GABRG3: variants seen among roughly 807,000 people sequenced by gnomAD.
The protein encoded by GABRG3 is gamma-aminobutyric acid type A receptor subunit gamma3, also known as gamma-aminobutyric acid receptor subunit gamma-3.
A neutral mutation model predicts 48.8 loss-of-function variants in GABRG3; 25 were observed. The observed-to-expected ratio is 0.51, with a 90% CI of 0.37 to 0.72. The LOEUF is 0.72. Ranked by LOEUF, GABRG3 falls within the 30% of genes least tolerant of loss-of-function variation. GABRG3 has a pLI of 0.00. For missense variants in GABRG3, 394 were observed against 577.9 expected (o/e 0.68, Z 3.26); for synonymous variants, 227 against 217.6 (o/e 1.04, Z -0.38).
chr15:27,032,548 C>G (rs763586034), intron 3 of GABRG3, among the ~76,000 whole-genome samples: 10 of 152,150 alleles, frequency 6.6e-5, no homozygotes, highest in Non-Finnish European at 1.5e-4. Context: ...GGGGAGCCAG[C>G]TTGTCAATGG....
chr15:27,532,921 A>G lies in GABRG3; in HGVS notation c.*40A>G, dbSNP rs371955847. 45 of 1,590,366 alleles carry G rather than the reference A, an allele frequency of 2.8e-5. No homozygotes were observed. The highest frequency in any genetic ancestry group is 3.8e-5 in the Non-Finnish European group (44 of 1,167,280). On this transcript the variant is annotated 3_prime_UTR_variant, in exon 10 of 10. Transcript: ENST00000615808. ...GAAGAGTGAAGAGCATTTGGTACACACTTGACCTTCTGTCGTCCCCAGACC... is the reference window on the plus strand; with the variant it reads ...GAAGAGTGAAGAGCATTTGGTACACGCTTGACCTTCTGTCGTCCCCAGACC...
rs1379519254 is a variant in GABRG3, at chr15:27,307,361, AACCATATAGGTTTATATATTTATATAT to A, written c.271-19446_271-19420del. On this transcript the variant is annotated intron_variant, in intron 3 of 9. Transcript: ENST00000615808. ...CATAGGTTTATATATGTTTATATAT[AACCATATAGGTTTATATATTTATATAT>A]AACCATATAGGTTTATATATTTATA... 1.8e-4 allele frequency among the ~76,000 whole-genome samples: 21 copies of A among 114,044 alleles called. 2 individuals are homozygous for A. Among genetic ancestry groups the A allele is most frequent in the Admixed American group, 2.9e-4 (3 of 10,358 alleles). The allele number at this position is 114,044 out of a possible 152,430, so 74.8% of individuals were successfully genotyped here. A position where few individuals can be genotyped will look rare whatever the true frequency, so the allele number is the denominator to read the frequency against.
At chr15:27,437,275 G>A (rs369987965) in intron 5 of GABRG3, among the ~76,000 whole-genome samples, 20 of 152,102 alleles carry the variant, frequency 1.3e-4, no homozygotes, top group African/African-American at 4.1e-4. Flanking sequence ...AAGTTTATAT[G>A]TTTTAGAGTT....
At chr15:27,283,598 T>C (rs1341511625) in intron 3 of GABRG3, among the ~76,000 whole-genome samples, 1 of 152,166 alleles carries the variant, frequency 6.6e-6, no homozygotes, top group Non-Finnish European at 1.5e-5. Flanking sequence ...AGAGCAAGAC[T>C]CCGTCAAAAA....
chr15:27,313,073 G>T (rs1397094569), intron 3 of GABRG3, among the ~76,000 whole-genome samples: 10 of 148,854 alleles, frequency 6.7e-5, no homozygotes, highest in Non-Finnish European at 3.0e-5. Context: ...CCAAAAGAGA[G>T]CAGGGGTGGC....
chr15:27,427,913 C>T (rs565865569), intron 5 of GABRG3, among the ~76,000 whole-genome samples: 25 of 152,198 alleles, frequency 1.6e-4, no homozygotes, highest in African/African-American at 5.1e-4. Flanking sequence ...GACATGGACT[C>T]GCTTTGTCTC....
chr15:27,021,581 C>G lies in GABRG3; in HGVS notation c.203-5173C>G, dbSNP rs141281911. Among the ~76,000 whole-genome samples, 1,259 of 152,330 alleles carry G rather than the reference C, an allele frequency of 8.3e-3. 13 individuals are homozygous for G. The highest frequency in any genetic ancestry group is 0.028 in the African/African-American group (1,180 of 41,570). Reference sequence around the variant, plus strand: ...AGTGGCTGAGTCCAGTGGCTTACACCTGGAATCCCAGCACTTTGGGAGGCC... The same window carrying G: ...AGTGGCTGAGTCCAGTGGCTTACACGTGGAATCCCAGCACTTTGGGAGGCC... On this transcript the variant is annotated intron_variant, in intron 2 of 9. Transcript: ENST00000615808.
chr15:27,131,203 G>A (rs1472374977), intron 3 of GABRG3, among the ~76,000 whole-genome samples: 1 of 151,938 alleles, frequency 6.6e-6, no homozygotes, highest in Non-Finnish European at 1.5e-5. Flanking sequence ...TGGTGCATTC[G>A]TTATCTTCTG....
intron 3 of GABRG3, among the ~76,000 whole-genome samples, chr15:27,131,729 TTC>T (rs1485958899): frequency 6.6e-6 from 1 of 152,064 alleles, no homozygotes; most frequent in Non-Finnish European, 1.5e-5. Flanking sequence ...CCATACTGTT[TTC>T]TGTTATACCT....
intron 3 of GABRG3, among the ~76,000 whole-genome samples, chr15:27,302,740 T>C (rs538743004): frequency 7.2e-5 from 11 of 151,772 alleles, no homozygotes; most frequent in Non-Finnish European, 1.2e-4. Flanking sequence ...TAAAACAAAC[T>C]CCAAAGTTTA....
At chr15:27,466,218 A>C (rs1889605504) in intron 5 of GABRG3, among the ~76,000 whole-genome samples, 1 of 152,226 alleles carries the variant, frequency 6.6e-6, no homozygotes. Context: ...CAGACTTTAC[A>C]ATATTCCATA....
intron 3 of GABRG3, among the ~76,000 whole-genome samples, chr15:27,065,669 C>A (rs915051264): frequency 6.6e-6 from 1 of 152,224 alleles, no homozygotes; most frequent in Non-Finnish European, 1.5e-5. Context: ...AAAGAACTTA[C>A]AAGAGAAGAG....
chr15:27,425,641 A>T (rs1459324279), intron 5 of GABRG3, among the ~76,000 whole-genome samples: 3 of 151,998 alleles, frequency 2.0e-5, no homozygotes, highest in Admixed American at 1.3e-4. Flanking sequence ...GGAACCCTCA[A>T]ACTTTGTATT....
At chr15:27,354,559 G>A (rs1894774084) in intron 5 of GABRG3, among the ~76,000 whole-genome samples, 1 of 152,178 alleles carries the variant, frequency 6.6e-6, no homozygotes, top group South Asian at 2.1e-4. Flanking sequence ...TTCACCAGGG[G>A]CCTGAGGAAG....
At chr15:27,068,893 C>T (rs1460471818) in intron 3 of GABRG3, among the ~76,000 whole-genome samples, 3 of 152,196 alleles carry the variant, frequency 2.0e-5, no homozygotes, top group African/African-American at 7.2e-5. Context: ...CTCCCTGAAC[C>T]TTCTGAGAGA....
At chr15:27,258,221 G>T (rs1890678192) in intron 3 of GABRG3, among the ~76,000 whole-genome samples, 1 of 152,034 alleles carries the variant, frequency 6.6e-6, no homozygotes. Flanking sequence ...ACAGGATTAG[G>T]CATATAAAGC....
chr15:27,160,303 C>T (rs1264528013), intron 3 of GABRG3, among the ~76,000 whole-genome samples: 1 of 152,138 alleles, frequency 6.6e-6, no homozygotes, highest in Non-Finnish European at 1.5e-5. Flanking sequence ...TTGTGAGCTG[C>T]TTCTTGCCCC....
intron 5 of GABRG3, among the ~76,000 whole-genome samples, chr15:27,442,443 A>G (rs886304918): frequency 1.3e-5 from 2 of 152,202 alleles, no homozygotes; most frequent in Admixed American, 6.5e-5. Flanking sequence ...TGTCCGCCTT[A>G]TAGCACACAC....
At chr15:27,204,534 C>T (rs2140430766) in intron 3 of GABRG3, among the ~76,000 whole-genome samples, 1 of 151,948 alleles carries the variant, frequency 6.6e-6, no homozygotes, top group South Asian at 2.1e-4. Flanking sequence ...TTTTTTGGTT[C>T]CAAATGAATT....
Sources: gnomAD v4.1 joint callset for allele counts (sites outside exome capture counted in the v4.1 genomes callset) on GRCh38, gnomAD v4.1.1 for gene constraint, MANE v1.5 for transcripts, NCBI Gene and HGNC (gene_info 2026-07-23, HGNC 2026-07-21) for gene names.